Variants in CCDC62 observed in about 807,000 individuals in gnomAD.
CCDC62 encodes the protein coiled-coil domain containing 62.
In CCDC62, 72 loss-of-function variants were observed where a neutral mutation model predicts 80.8. The observed-to-expected ratio is 0.89, with a 90% CI of 0.74 to 1.08. The LOEUF (loss-of-function observed/expected upper bound fraction) is 1.08, where lower values mean the gene tolerates loss of function less well. Among genes scored for constraint, CCDC62 ranks in the 50% least tolerant of loss-of-function variants. CCDC62 has a pLI of 0.00. For missense variants in CCDC62, 704 were observed against 809.4 expected, an observed-to-expected ratio of 0.87 and a Z score of 1.58; for synonymous variants, 286 against 296.5, an observed-to-expected ratio of 0.96 and a Z score of 0.36.
intron 10 of CCDC62, among the ~76,000 whole-genome samples, chr12:122,812,817 A>AAGAAAGAAAGAAAGAAAGAAAGAAAGAG (rs1566086804): frequency 1.3e-5 from 2 of 149,870 alleles, no homozygotes; most frequent in African/African-American, 5.0e-5. Flanking sequence ...GAAAGAAAGA[A>AAGAAAGAAAGAAAGAAAGAAAGAAAGAG]AGAAAGAAAG....
intron 9 of CCDC62, among the ~76,000 whole-genome samples, chr12:122,805,071 G>C (rs1400839725): frequency 6.6e-6 from 1 of 151,134 alleles, no homozygotes; most frequent in Non-Finnish European, 1.5e-5. Context: ...TTTTAGTAGA[G>C]ATGGAGTTTT....
intron 3 of CCDC62, among the ~76,000 whole-genome samples, chr12:122,783,022 A>G (rs947537730): frequency 6.6e-6 from 1 of 150,642 alleles, no homozygotes; most frequent in Non-Finnish European, 1.5e-5. Context: ...TAGGAGAGTC[A>G]ATTGAACCTG....
intron 4 of CCDC62, among the ~76,000 whole-genome samples, chr12:122,786,150 T>C (rs1330931940): frequency 1.3e-5 from 2 of 151,952 alleles, no homozygotes; most frequent in South Asian, 2.1e-4. Flanking sequence ...AGGTTTTTTT[T>C]GTTTTGTTTT....
intron 12 of CCDC62, among the ~76,000 whole-genome samples, chr12:122,824,406 ACT>A (rs2032527501): frequency 7.1e-6 from 1 of 141,048 alleles, no homozygotes; most frequent in East Asian, 2.1e-4. Context: ...CAATAATGAG[ACT>A]CTGTCTCTAA....
At chr12:122,800,947 A>G (rs2031264147) in intron 8 of CCDC62, among the ~76,000 whole-genome samples, 177 bp from the exon 9 acceptor site, 1 of 152,172 alleles carries the variant, frequency 6.6e-6, no homozygotes, top group African/African-American at 2.4e-5. Flanking sequence ...GGAAAAGGGA[A>G]TGTGGGCTTT....
At position 122,777,655 on chromosome 12, in the gene CCDC62, A is replaced by G. The variant is rs781248778; in HGVS notation, c.201A>G (p.Thr67=). The G allele has an allele frequency of 5.6e-6, 9 of 1,614,130 alleles. No homozygotes were observed. In the South Asian group the frequency reaches 9.9e-5, roughly 18 times the overall value. The change falls in exon 2 of 13, where the codon ACA becomes ACG. Residue 67 remains threonine, a synonymous_variant. Coordinates refer to ENST00000253079, the MANE Select transcript of CCDC62 (RefSeq NM_201435.5). The part of the protein sequence containing the change: ...SWEEDRQKVL[T]LEERCSKLEG... The stretch of plus-strand genomic sequence containing the variant: ...AAGAGGATCGGCAGAAAGTGTTGAC[A>G]CTGGAAGAACGTTGCAGCAAATTAG...
At chr12:122,820,644 G>A (rs539959327) in intron 11 of CCDC62, among the ~76,000 whole-genome samples, 7 of 152,164 alleles carry the variant, frequency 4.6e-5, no homozygotes, top group African/African-American at 1.7e-4. Flanking sequence ...AGGAGTTCCA[G>A]ACCAGCCTAG....
chr12:122,774,772 C>T, intron 1 of CCDC62, 66 bp downstream of exon 1: 1 of 1,153,910 alleles, frequency 8.7e-7, no homozygotes, highest in Non-Finnish European at 1.1e-6. Context: ...AAATCTATTG[C>T]TTCTCAAGAA....
chr12:122,788,653 C>G, intron 4 of CCDC62, 105 bp from the exon 5 acceptor site: 1 of 700,854 alleles, frequency 1.4e-6, no homozygotes, highest in South Asian at 2.0e-5. Context: ...GCGAAAAATG[C>G]TTAGAGTGGA....
At chr12:122,779,490 G>A (rs1025896174) in intron 2 of CCDC62, among the ~76,000 whole-genome samples, 1 of 152,128 alleles carries the variant, frequency 6.6e-6, no homozygotes, top group Non-Finnish European at 1.5e-5. Flanking sequence ...GATACAATAG[G>A]TCTGGGGCCC....
In CCDC62 at chr12:122,801,725, G is replaced by A. The variant is rs747092493; in HGVS notation, c.1579G>A (p.Gly527Ser). 1 of 1,614,202 alleles carries A rather than the reference G, an allele frequency of 6.2e-7. No homozygotes were observed. The highest frequency in any genetic ancestry group is 1.1e-5 in the South Asian group (1 of 91,084). Residue 527 changes from glycine to serine, a missense_variant, in exon 9 of 13, where the codon GGC (glycine) becomes AGC (serine). Transcript: ENST00000253079. ...HPSNFIIEAP[G>S]HMSDVEWMSI... ...GAGTAACTTCATAATTGAAGCCCCAGGCCACATGTCTGACGTGGAGTGGAT... is the reference window on the plus strand; with the variant it reads ...GAGTAACTTCATAATTGAAGCCCCAAGCCACATGTCTGACGTGGAGTGGAT...
chr12:122,820,216 T>C (rs551994630), intron 11 of CCDC62, among the ~76,000 whole-genome samples: 3 of 152,304 alleles, frequency 2.0e-5, no homozygotes, highest in South Asian at 4.1e-4. Context: ...AGTTTATACC[T>C]GTTTTTATTA....
chr12:122,785,575 C>T, intron 3 of CCDC62, 144 bp from the exon 4 acceptor site: 1 of 653,158 alleles, frequency 1.5e-6, no homozygotes, highest in Non-Finnish European at 2.8e-6. Context: ...TTTATTAGCC[C>T]ACTCCATTAC....
chr12:122,775,172 C>T lies in CCDC62; in HGVS notation c.36+466C>T, dbSNP rs79240450. 4.5e-3 allele frequency among the ~76,000 whole-genome samples: 665 copies of T among 149,380 alleles called. 5 individuals are homozygous for T. The highest frequency in any genetic ancestry group is 0.015 in the African/African-American group (625 of 40,676). On this transcript the variant is annotated intron_variant, in intron 1 of 12. Transcript: ENST00000253079. ...CACGACCGTTTCCTTAACCCAATAA[C>T]ACCTTGTTATTCAGCCCGGGCCACA...
rs767379548 is a variant in CCDC62 at position 122,806,253 on chromosome 12, G to A, written c.1809G>A (p.Thr603=). The A allele has an allele frequency of 7.4e-6, 12 of 1,613,120 alleles. No individual in the cohort carries two copies. Among genetic ancestry groups the A allele is most frequent in the African/African-American group, 2.7e-5 (2 of 74,888 alleles). Reference sequence around the variant, plus strand: ...CTTCCAATAAAAAGAACTCACCTACGAGTTTGTTAATCTACAAAGATGCAC... The same window carrying A: ...CTTCCAATAAAAAGAACTCACCTACAAGTTTGTTAATCTACAAAGATGCAC... ...ESSSNKKNSP[T]SLLIYKDAPA... The change falls in exon 10 of 13, where the codon ACG becomes ACA. Residue 603 remains threonine, a synonymous_variant. Transcript: ENST00000253079.
chr12:122,807,257 C>A (rs1252670359), intron 10 of CCDC62, among the ~76,000 whole-genome samples: 1 of 152,006 alleles, frequency 6.6e-6, no homozygotes, highest in Non-Finnish European at 1.5e-5. Flanking sequence ...CATCGCCAGG[C>A]GCAGTGGCTC....
intron 5 of CCDC62, among the ~76,000 whole-genome samples, chr12:122,790,798 C>T (rs2030555356): frequency 6.6e-6 from 1 of 152,190 alleles, no homozygotes; most frequent in South Asian, 2.1e-4. Context: ...CATCCTGAGG[C>T]CACGTAGGAG....
rs1015039949 is a variant in CCDC62 at position 122,806,278 on chromosome 12, C to T, written c.1834C>T (p.Pro612Ser). 6 of 1,610,074 alleles carry T rather than the reference C, an allele frequency of 3.7e-6. No individual in the cohort carries two copies. Among genetic ancestry groups the T allele is most frequent in the Non-Finnish European group, 4.2e-6 (5 of 1,177,546 alleles). Reference protein sequence around the residue: ...PTSLLIYKDAPAFNEKASIVL... With the variant: ...PTSLLIYKDASAFNEKASIVL... ...GAGTTTGTTAATCTACAAAGATGCACCAGCATTCAATGAAAAGGTTCGTAT... is the reference window on the plus strand; with the variant it reads ...GAGTTTGTTAATCTACAAAGATGCATCAGCATTCAATGAAAAGGTTCGTAT... Residue 612 changes from proline to serine, a missense_variant, in exon 10 of 13, where the codon CCA becomes TCA. Physicochemically the swap from Pro to Ser is moderately conservative, Grantham distance 74. Coordinates refer to ENST00000253079, the MANE Select transcript of CCDC62 (RefSeq NM_201435.5).
At chr12:122,809,003 G>A (rs1299845448) in intron 10 of CCDC62, among the ~76,000 whole-genome samples, 1 of 152,096 alleles carries the variant, frequency 6.6e-6, no homozygotes, top group African/African-American at 2.4e-5. Flanking sequence ...TTCCCCTAAT[G>A]ACTAACAATG....
Sources: allele counts gnomAD v4.1 joint callset (sites outside exome capture counted in the v4.1 genomes callset), GRCh38; gene constraint gnomAD v4.1.1; transcripts MANE v1.5; gene names NCBI Gene and HGNC (gene_info 2026-07-23, HGNC 2026-07-21).